The following ADAMTS18 variants were observed in gnomAD, a reference collection of about 807,000 sequenced individuals.
The protein encoded by ADAMTS18 is A disintegrin and metalloproteinase with thrombospondin motifs 18.
Under a neutral mutation model 165.9 loss-of-function variants are expected in ADAMTS18, and 157 were observed. The observed-to-expected ratio is 0.95, with a 90% CI of 0.83 to 1.08. ADAMTS18 has a LOEUF of 1.08. Among genes scored for constraint, ADAMTS18 ranks in the 50% least tolerant of loss-of-function variants. The probability of loss-of-function intolerance (pLI) is 0.00; values close to 1 mark genes in which losing one functional copy is unlikely to be tolerated. For missense variants in ADAMTS18, 2,040 were observed against 1,534.0 expected (o/e 1.33, Z -5.51); for synonymous variants, 782 against 578.2 (o/e 1.35, Z -5.06).
chr16:77,434,416 AC>A lies in ADAMTS18; in HGVS notation c.178+1del. On this transcript the variant is annotated splice_donor_variant, in intron 2 of 22. Coordinates refer to ENST00000282849, the MANE Select transcript of ADAMTS18 (RefSeq NM_199355.4). LOFTEE classifies it high-confidence loss of function. ...TCTTGGGGATGGGGGGCAAATACGA[AC>A]CATCATTTAATCCGCTGGCGCCGCT... 6.4e-7 allele frequency: 1 copy of A among 1,568,460 alleles called. No individual in the cohort carries two copies. Among genetic ancestry groups the A allele is most frequent in the South Asian group, 1.2e-5 (1 of 86,608 alleles).
intron 14 of ADAMTS18, 116 bp from the exon 15 acceptor site, chr16:77,321,318 T>C (rs1032600527): frequency 2.9e-6 from 4 of 1,389,250 alleles, no homozygotes; most frequent in African/African-American, 2.9e-5. Flanking sequence ...GCAGTACAGC[T>C]TATGGTTAAA....
At chr16:77,363,714 T>A (rs1290662939) in intron 6 of ADAMTS18, 88 bp downstream of exon 6, 4 of 1,228,690 alleles carry the variant, frequency 3.3e-6, no homozygotes, top group Admixed American at 1.7e-5. Flanking sequence ...TAACGACTAG[T>A]ACATGGATTA....
intron 19 of ADAMTS18, among the ~76,000 whole-genome samples, chr16:77,294,295 T>C (rs1383734418): frequency 6.6e-6 from 1 of 152,160 alleles, no homozygotes; most frequent in Non-Finnish European, 1.5e-5. Context: ...GCCTGGGCTG[T>C]GTAGGACATT....
Position 77,422,880 on chromosome 16 carries a change from C to A in ADAMTS18, c.495+8415G>T, listed in dbSNP as rs28532939. On this transcript the variant is annotated intron_variant, in intron 3 of 22. Coordinates refer to ENST00000282849, the MANE Select transcript of ADAMTS18 (RefSeq NM_199355.4). Reference sequence around the variant, plus strand: ...ATGCTAGTCTGTGCATTGACAGTCACACTTACATGGTGTGATGCATTCCAC... The same window carrying A: ...ATGCTAGTCTGTGCATTGACAGTCAAACTTACATGGTGTGATGCATTCCAC... Among the ~76,000 whole-genome samples the A allele has an allele frequency of 1.1e-3, 172 of 152,300 alleles. 2 individuals carry two copies. Among genetic ancestry groups the A allele is most frequent in the African/African-American group, 4.0e-3 (167 of 41,558 alleles).
At chr16:77,380,555 T>C (rs953481942) in intron 3 of ADAMTS18, among the ~76,000 whole-genome samples, 14 of 152,242 alleles carry the variant, frequency 9.2e-5, no homozygotes, top group African/African-American at 9.6e-5. Flanking sequence ...TATGTACTAA[T>C]AGCAAAATGG....
At position 77,306,708 on chromosome 16, in the gene ADAMTS18, T is replaced by C. The variant is rs199939036; in HGVS notation, c.2533-6304A>G. Among the ~76,000 whole-genome samples, 8 of 152,238 alleles carry C rather than the reference T, an allele frequency of 5.3e-5. No homozygotes were observed. In the East Asian group the frequency reaches 7.7e-4, roughly 15 times the overall value. ...ATTGCTTTAAAATTAACAATGCCTA[T>C]TGAGTGCTTATTATGTGCCAGGCAA... On this transcript the variant is annotated intron_variant, in intron 16 of 22. Coordinates refer to ENST00000282849, the MANE Select transcript of ADAMTS18 (RefSeq NM_199355.4).
chr16:77,283,948 CA>C lies in ADAMTS18; in HGVS notation c.*7del. 6.2e-7 allele frequency: 1 copy of C among 1,609,976 alleles called. No individual in the cohort carries two copies. The highest frequency in any genetic ancestry group is 8.5e-7 in the Non-Finnish European group (1 of 1,176,460). ...CCTGGCCCTAAGGTGCTGGGGAGGA[CA>C]CCAAGATCAGATCTTCCTTGTGCAT... On this transcript the variant is annotated 3_prime_UTR_variant, in exon 23 of 23. Transcript: ENST00000282849.
At chr16:77,417,168 C>A (rs2057541220) in intron 3 of ADAMTS18, among the ~76,000 whole-genome samples, 1 of 151,962 alleles carries the variant, frequency 6.6e-6, no homozygotes. Flanking sequence ...ATTTAGGAAT[C>A]AAACTATCAT....
Position 77,367,100 on chromosome 16 carries a change from G to A in ADAMTS18, c.778+341C>T, listed in dbSNP as rs986649218. Reference sequence around the variant, plus strand: ...AAGTCTCTCCTTTGTGTCCTCAAAGGAGACATCCAACCACACCTAGACATT... The same window carrying A: ...AAGTCTCTCCTTTGTGTCCTCAAAGAAGACATCCAACCACACCTAGACATT... On this transcript the variant is annotated intron_variant, in intron 4 of 22. Coordinates refer to ENST00000282849, the MANE Select transcript of ADAMTS18 (RefSeq NM_199355.4). Among the ~76,000 whole-genome samples the A allele has an allele frequency of 2.6e-5, 4 of 152,088 alleles. No homozygotes were observed. The South Asian group carries it at 6.2e-4, about 24-fold the overall frequency.
intron 7 of ADAMTS18, among the ~76,000 whole-genome samples, chr16:77,359,948 T>C (rs1044928518): frequency 3.3e-5 from 5 of 152,222 alleles, no homozygotes; most frequent in African/African-American, 4.8e-5. Context: ...TCTGGTTCTT[T>C]ATAATGTGGT....
chr16:77,431,062 G>T, intron 3 of ADAMTS18, among the ~76,000 whole-genome samples: 1 of 152,200 alleles, frequency 6.6e-6, no homozygotes. Flanking sequence ...AGAATGAAAA[G>T]TCCCAGACCA....
intron 3 of ADAMTS18, among the ~76,000 whole-genome samples, chr16:77,398,429 G>C (rs1233529211): frequency 6.6e-6 from 1 of 152,130 alleles, no homozygotes; most frequent in Non-Finnish European, 1.5e-5. Flanking sequence ...ACACGACAGA[G>C]AAACGGAGGG....
At chr16:77,353,679 A>G in intron 10 of ADAMTS18, 54 bp downstream of exon 10, 1 of 1,611,922 alleles carries the variant, frequency 6.2e-7, no homozygotes, top group Non-Finnish European at 8.5e-7. Flanking sequence ...TCTGTTAGGG[A>G]CACAGACACA....
intron 22 of ADAMTS18, 37 bp from the exon 23 acceptor site, chr16:77,284,108 G>T (rs368726562): frequency 7.0e-7 from 1 of 1,429,414 alleles, no homozygotes; most frequent in Admixed American, 1.7e-5. Flanking sequence ...GTTGGCTAGG[G>T]TGTCTATCCT....
chr16:77,400,462 G>GTC (rs1267936014), intron 3 of ADAMTS18, among the ~76,000 whole-genome samples: 4 of 140,418 alleles, frequency 2.8e-5, no homozygotes, highest in African/African-American at 1.1e-4. Flanking sequence ...GTGTCTGTGT[G>GTC]TGTGTGTGTG....
intron 2 of ADAMTS18, among the ~76,000 whole-genome samples, chr16:77,432,781 A>AAC (rs2057754220): frequency 1.3e-5 from 2 of 152,016 alleles, no homozygotes; most frequent in Non-Finnish European, 2.9e-5. Flanking sequence ...AAAAAAAAAA[A>AAC]AACTAAGGAA....
intron 3 of ADAMTS18, among the ~76,000 whole-genome samples, chr16:77,416,714 C>T (rs1490081726): frequency 1.3e-5 from 2 of 152,140 alleles, no homozygotes; most frequent in Non-Finnish European, 2.9e-5. Flanking sequence ...CAGACTGATA[C>T]ATATACTATG....
chr16:77,364,245 C>T lies in ADAMTS18; in HGVS notation c.915G>A (p.Met305Ile), dbSNP rs1442384533. ...CATTTCCCTTGCCATGCTTTTCCAC[C>T]ATTTTCTTGTCTGCCACCACGAGGG... ...VETLVVADKK[M>I]VEKHGKGNVT... The change falls in exon 5 of 23, where the codon ATG becomes ATA. Residue 305 changes from methionine to isoleucine, a missense_variant. Transcript: ENST00000282849. The T allele has an allele frequency of 1.9e-6, 3 of 1,613,874 alleles. No homozygotes were observed. Among genetic ancestry groups the T allele is most frequent in the African/African-American group, 2.7e-5 (2 of 74,838 alleles).
Position 77,431,384 on chromosome 16 carries a change from G to C in ADAMTS18, c.406C>G (p.Gln136Glu), listed in dbSNP as rs539719441. Residue 136 changes from glutamine to glutamate, a missense_variant, in exon 3 of 23, where the codon CAG becomes GAG. Coordinates refer to ENST00000282849, the MANE Select transcript of ADAMTS18 (RefSeq NM_199355.4). ...AAGCATTGCTGCACCTCGGGTTTCT[G>C]AGTCTCTGAAGCACCATCTTTTCCA... is the stretch of plus-strand genomic sequence containing the variant. ...VLGKDGASET[Q>E]KPEVQQCFYQ... is the part of the protein sequence containing the mutation. 8 of 1,614,158 alleles carry C rather than the reference G, an allele frequency of 5.0e-6. No homozygotes were observed. The East Asian group carries it at 1.1e-4, about 22-fold the overall frequency.
Sources: gnomAD v4.1 joint callset for allele counts (sites outside exome capture counted in the v4.1 genomes callset) on GRCh38, gnomAD v4.1.1 for gene constraint, MANE v1.5 for transcripts, NCBI Gene and HGNC (gene_info 2026-07-23, HGNC 2026-07-21) for gene names.